The following ST7 variants were observed in gnomAD, a reference collection of about 807,000 sequenced individuals.
ST7 encodes suppressor of tumorigenicity 7 protein.
A neutral mutation model predicts 78.7 loss-of-function variants in ST7; 28 were observed. The ratio of observed to expected loss-of-function variants is 0.36; its 90% CI spans 0.26 to 0.49. ST7 has a LOEUF of 0.49. Ranked by LOEUF, ST7 falls within the 20% of genes least tolerant of loss-of-function variation. The pLI, the probability that ST7 is intolerant of heterozygous loss-of-function variation, is 0.99. For missense variants in ST7, 418 were observed against 696.0 expected, an observed-to-expected ratio of 0.60 and a Z score of 4.49; for synonymous variants, 247 against 249.6, an observed-to-expected ratio of 0.99 and a Z score of 0.10.
intron 1 of ST7, among the ~76,000 whole-genome samples, chr7:117,019,739 G>T (rs939927116): frequency 1.3e-5 from 2 of 152,112 alleles, no homozygotes; most frequent in Non-Finnish European, 2.9e-5. Flanking sequence ...ATGTATTTAT[G>T]TGCCTAGAAT....
chr7:116,961,572 G>A (rs1792828180), intron 1 of ST7, among the ~76,000 whole-genome samples: 1 of 151,376 alleles, frequency 6.6e-6, no homozygotes, highest in East Asian at 1.9e-4. Flanking sequence ...GTGTGTGTGT[G>A]TGTGTGTGTG....
At chr7:117,000,698 C>A (rs181804448) in intron 1 of ST7, among the ~76,000 whole-genome samples, 1 of 152,186 alleles carries the variant, frequency 6.6e-6, no homozygotes, top group Admixed American at 6.5e-5. Flanking sequence ...ATGAAGGTTG[C>A]GTGGCAGTAC....
chr7:117,006,951 G>A (rs969666890), intron 1 of ST7, among the ~76,000 whole-genome samples: 2 of 152,122 alleles, frequency 1.3e-5, no homozygotes, highest in African/African-American at 4.8e-5. Context: ...GTGTGTTCTG[G>A]CTGCTCCATT....
intron 8 of ST7, chr7:117,136,595 G>A (rs1345521167): frequency 4.6e-6 from 2 of 436,540 alleles, no homozygotes; most frequent in Admixed American, 4.1e-5. Context: ...ATTTAAATTA[G>A]CCATAGTGTT....
At chr7:117,187,380 C>A (rs1005310301) in intron 10 of ST7, among the ~76,000 whole-genome samples, 1 of 151,872 alleles carries the variant, frequency 6.6e-6, no homozygotes, top group African/African-American at 2.4e-5. Flanking sequence ...TTTTCTTGTG[C>A]ACATATACTA....
rs538224399 is a variant in ST7, at chr7:117,143,488, G to A, written c.963+4956G>A. 7.2e-5 allele frequency among the ~76,000 whole-genome samples: 11 copies of A among 152,242 alleles called. 1 individual carries two copies. The highest frequency in any genetic ancestry group is 2.6e-4 in the African/African-American group (11 of 41,548). On this transcript the variant is annotated intron_variant, in intron 9 of 15. Coordinates refer to ENST00000323984, the MANE Select transcript of ST7 (RefSeq NM_001369598.1). Reference sequence around the variant, plus strand: ...TGAAGTGTCCCCTGGCCAGTCCTGGGTGGCTACATTCAATCTCAGAGTTTT... The same window carrying A: ...TGAAGTGTCCCCTGGCCAGTCCTGGATGGCTACATTCAATCTCAGAGTTTT...
At chr7:117,123,136 G>A (rs1163800135) in intron 3 of ST7, among the ~76,000 whole-genome samples, 1 of 152,140 alleles carries the variant, frequency 6.6e-6, no homozygotes, top group Non-Finnish European at 1.5e-5. Context: ...TCTCATGGAT[G>A]TTGGCAAAGG....
chr7:117,140,876 T>C (rs1397348237), intron 9 of ST7, among the ~76,000 whole-genome samples: 1 of 152,176 alleles, frequency 6.6e-6, no homozygotes. Context: ...AAGTGCTCCT[T>C]CCTTCAGGGA....
chr7:117,117,188 A>C (rs1352104557), intron 2 of ST7, among the ~76,000 whole-genome samples: 3 of 152,200 alleles, frequency 2.0e-5, no homozygotes. Context: ...GACTCTACAT[A>C]GTCCTTTAAG....
chr7:117,054,389 G>T (rs1246604591), intron 1 of ST7, among the ~76,000 whole-genome samples: 1 of 152,200 alleles, frequency 6.6e-6, no homozygotes, highest in Non-Finnish European at 1.5e-5. Context: ...AAATCCTTCA[G>T]AGATCAGGAA....
chr7:116,953,586 A>C lies in ST7; in HGVS notation c.46A>C (p.Ile16Leu), dbSNP rs766059066. 26 of 1,487,466 alleles carry C rather than the reference A, an allele frequency of 1.7e-5. No homozygotes were observed. The highest frequency in any genetic ancestry group is 2.4e-5 in the Non-Finnish European group (26 of 1,104,018). The allele number at this position is 1,487,466 out of a possible 1,614,324, so 92.1% of individuals were successfully genotyped here. ...TGFLEQLKSCIVWSWTYLWTV... is the reference protein window; with the variant it reads ...TGFLEQLKSCLVWSWTYLWTV... ...CTTTCTGGAGCAGCTCAAGTCCTGC[A>C]TAGTTTGGTCTTGGACGTATCTGTG... Residue 16 changes from isoleucine to leucine, a missense_variant, in exon 1 of 16, where the codon ATA becomes CTA. Around this residue, in one of 4 missense-constraint regions of ST7, gnomAD observed 71 missense variants for 61.5 expected, o/e 1.16. Transcript: ENST00000323984.
At chr7:117,186,360 G>A (rs554540404) in intron 10 of ST7, among the ~76,000 whole-genome samples, 3 of 152,250 alleles carry the variant, frequency 2.0e-5, no homozygotes, top group South Asian at 2.1e-4. Context: ...TGACAGCACC[G>A]TGATAACTAT....
chr7:117,062,692 G>GT (rs1798422496), intron 1 of ST7, among the ~76,000 whole-genome samples: 1 of 152,122 alleles, frequency 6.6e-6, no homozygotes, highest in Non-Finnish European at 1.5e-5. Context: ...TAATACAATA[G>GT]TTTATCATGG....
intron 1 of ST7, among the ~76,000 whole-genome samples, chr7:117,094,955 G>A (rs1025488878): frequency 2.0e-5 from 3 of 151,962 alleles, no homozygotes; most frequent in African/African-American, 7.3e-5. Flanking sequence ...TTTTAGCAAA[G>A]CATTAAAAGG....
chr7:117,012,237 G>A (rs1419035361), intron 1 of ST7, among the ~76,000 whole-genome samples: 1 of 151,630 alleles, frequency 6.6e-6, no homozygotes, highest in African/African-American at 2.4e-5. Context: ...GAACTGTTTG[G>A]CCCACTGTAG....
intron 10 of ST7, among the ~76,000 whole-genome samples, chr7:117,185,237 A>C (rs533436940): frequency 1.1e-3 from 169 of 152,338 alleles, no homozygotes; most frequent in African/African-American, 4.0e-3. Flanking sequence ...TGAAAGTTAC[A>C]TCTGATAGAT....
chr7:117,035,844 A>T (rs555110942), intron 1 of ST7, among the ~76,000 whole-genome samples: 6 of 151,466 alleles, frequency 4.0e-5, no homozygotes, highest in Admixed American at 3.9e-4. Flanking sequence ...GAGTGAATAC[A>T]TTTTTTTGTA....
chr7:117,189,242 T>C (rs1256378599), intron 10 of ST7, 79 bp from the exon 11 acceptor site: 4 of 932,396 alleles, frequency 4.3e-6, no homozygotes, highest in Non-Finnish European at 6.6e-6. Flanking sequence ...TAAACGTGAT[T>C]AAAATGCTAG....
intron 14 of ST7, among the ~76,000 whole-genome samples, chr7:117,221,199 T>C (rs572163529): frequency 6.6e-5 from 10 of 152,318 alleles, no homozygotes; most frequent in African/African-American, 2.4e-4. Context: ...ATGTTTGAAA[T>C]ATAATATAAA....
Sources: gnomAD v4.1 joint callset for allele counts (sites outside exome capture counted in the v4.1 genomes callset) on GRCh38, gnomAD v4.1.1 for gene constraint, gnomAD v4.1.1 regional missense constraint, MANE v1.5 for transcripts, NCBI Gene and HGNC (gene_info 2026-07-23, HGNC 2026-07-21) for gene names.